MEGF9: variants seen among roughly 807,000 people sequenced by gnomAD.
MEGF9 encodes the protein multiple epidermal growth factor-like domains protein 9.
MEGF9 carries 6 observed loss-of-function variants against 46.8 expected under a neutral mutation model. The observed-to-expected ratio is 0.13, with a 90% CI of 0.07 to 0.25. The LOEUF (loss-of-function observed/expected upper bound fraction) is 0.25, where lower values mean the gene tolerates loss of function less well. Ranked by LOEUF, MEGF9 falls within the 10% of genes least tolerant of loss-of-function variation. The probability of loss-of-function intolerance (pLI) is 1.00; values close to 1 mark genes in which losing one functional copy is unlikely to be tolerated. For synonymous variants in MEGF9, 302 were observed against 330.7 expected (o/e 0.91, Z 0.94); for missense variants, 683 against 792.4 (o/e 0.86, Z 1.66).
intron 1 of MEGF9, among the ~76,000 whole-genome samples, chr9:120,672,591 A>G (rs1422297793): frequency 6.6e-6 from 1 of 152,252 alleles, no homozygotes; most frequent in Non-Finnish European, 1.5e-5. Flanking sequence ...ACTCTACTCC[A>G]GCCTGTGTAA....
At position 120,659,563 on chromosome 9, in the gene MEGF9, T is replaced by A; in HGVS notation, c.614A>T (p.Asn205Ile). The A allele has an allele frequency of 6.2e-7, 1 of 1,611,628 alleles. No homozygotes were observed. The highest frequency in any genetic ancestry group is 1.1e-5 in the South Asian group (1 of 90,526). The change falls in exon 2 of 6, where the codon AAC (asparagine) becomes ATC (isoleucine). Residue 205 changes from asparagine to isoleucine, a missense_variant. This residue lies in a region of MEGF9 where 370 missense variants were observed against 371.3 expected (regional missense o/e 1.00). Coordinates refer to ENST00000373930, the MANE Select transcript of MEGF9 (RefSeq NM_001080497.3). ...ATTCAGGCTTCCAACCACAGAGCAG[T>A]TACATACATACTCTGCAAAGGAAAG... ...PSSPPPEYVCNCSVVGSLNVN... is the reference protein window; with the variant it reads ...PSSPPPEYVCICSVVGSLNVN...
At chr9:120,611,865 A>AGGAAGGAAG (rs572613293) in intron 4 of MEGF9, among the ~76,000 whole-genome samples, 1 of 137,154 alleles carries the variant, frequency 7.3e-6, no homozygotes, top group African/African-American at 3.0e-5. Flanking sequence ...GGAAGGAAGA[A>AGGAAGGAAG]AGAGAGAGAG....
intron 2 of MEGF9, 52 bp from the exon 3 acceptor site, chr9:120,622,807 T>C: frequency 3.1e-6 from 5 of 1,595,108 alleles, no homozygotes; most frequent in Non-Finnish European, 4.3e-6. Flanking sequence ...TTAAAAGTTG[T>C]ATTGAGTAAC....
intron 2 of MEGF9, among the ~76,000 whole-genome samples, chr9:120,653,516 C>T (rs1254061031): frequency 2.6e-5 from 4 of 151,716 alleles, no homozygotes; most frequent in African/African-American, 9.7e-5. Context: ...GGATTACAGG[C>T]GCATGCCACC....
In MEGF9 at chr9:120,605,511, G is replaced by C. The variant is rs369120925; in HGVS notation, c.1488C>G (p.Ser496Arg). ...PTTLQTIFSV[S>R]TSENSTSALA... ...AAGCTGAAGTGCTGTTTTCAGAAGTGCTTACTGAAAAGATAGTCTGCAGGG... is the reference window on the plus strand; with the variant it reads ...AAGCTGAAGTGCTGTTTTCAGAAGTCCTTACTGAAAAGATAGTCTGCAGGG... Residue 496 changes from serine (S) to arginine (R), a missense_variant, in exon 6 of 6, where the codon AGC (serine) becomes AGG (arginine). Ser to Arg is a moderately radical substitution (Grantham distance 110). Coordinates refer to ENST00000373930, the MANE Select transcript of MEGF9 (RefSeq NM_001080497.3). The surrounding 1 kb of genome is among the most constrained non-coding windows in gnomAD (Gnocchi z 4.0). The C allele has an allele frequency of 1.2e-6, 2 of 1,613,816 alleles. No homozygotes were observed. The highest frequency in any genetic ancestry group is 1.7e-6 in the Non-Finnish European group (2 of 1,179,840).
chr9:120,714,455 A>G lies in MEGF9; in HGVS notation c.-97T>C, dbSNP rs1267453460. 13 of 1,050,732 alleles carry G rather than the reference A, an allele frequency of 1.2e-5. No individual in the cohort carries two copies. Among genetic ancestry groups the G allele is most frequent in the African/African-American group, 1.7e-5 (1 of 59,654 alleles). The allele number at this position is 1,050,732 out of a possible 1,614,324, so 65.1% of individuals were successfully genotyped here. ...CGCCGCCACCGCCACCGGGCGCACC[A>G]TCGCCACCTCCCTCTGACAGGCGGC... On this transcript the variant is annotated 5_prime_UTR_variant, in exon 1 of 6. An upstream start codon of the reference 5' UTR is lost. Coordinates refer to ENST00000373930, the MANE Select transcript of MEGF9 (RefSeq NM_001080497.3).
chr9:120,693,924 TA>T lies in MEGF9; in HGVS notation c.601+19833del, dbSNP rs34661780. 9.9e-3 allele frequency among the ~76,000 whole-genome samples: 1,393 copies of T among 140,708 alleles called. 9 individuals carry two copies. The highest frequency in any genetic ancestry group is 0.034 in the East Asian group (168 of 4,904). The allele number at this position is 140,708 out of a possible 152,430, so 92.3% of individuals were successfully genotyped here. ...AATCCACTGTACAAATCAATTAGGC[TA>T]AAAAAAAAAAAATAAAGGTAAAAGT... On this transcript the variant is annotated intron_variant, in intron 1 of 5. Transcript: ENST00000373930.
chr9:120,645,802 G>A (rs907315244), intron 2 of MEGF9, among the ~76,000 whole-genome samples: 5 of 152,192 alleles, frequency 3.3e-5, no homozygotes, highest in African/African-American at 9.7e-5. Flanking sequence ...AAAAGGTAAA[G>A]GGCCTTTGGA....
At position 120,714,259 on chromosome 9, in the gene MEGF9, A is replaced by AGGCGACGGCGGC. The variant is rs1440366568; in HGVS notation, c.88_99dup (p.Ala30_Ala33dup). ...GTGACATTCCCCGCCGAGGCGGCTG[A>AGGCGACGGCGGC]GGCGACGGCGGCGGCGGCGGCGGCG... On this transcript the variant is annotated inframe_insertion, in exon 1 of 6. Coordinates refer to ENST00000373930, the MANE Select transcript of MEGF9 (RefSeq NM_001080497.3). The AGGCGACGGCGGC allele has an allele frequency of 8.4e-7, 1 of 1,193,962 alleles. No individual in the cohort carries two copies. Among genetic ancestry groups the AGGCGACGGCGGC allele is most frequent in the East Asian group, 3.4e-5 (1 of 29,650 alleles). 74.0% of individuals were successfully genotyped at this position (1,193,962 alleles called of 1,614,324 possible). A position where few individuals can be genotyped will look rare whatever the true frequency, so the allele number is the denominator to read the frequency against.
intron 2 of MEGF9, among the ~76,000 whole-genome samples, chr9:120,649,885 A>T (rs150546953): frequency 1.3e-5 from 2 of 152,328 alleles, no homozygotes; most frequent in East Asian, 3.9e-4. Flanking sequence ...TTTTATGGAA[A>T]AGGATATTAT....
chr9:120,636,218 T>C (rs1311417509), intron 2 of MEGF9, among the ~76,000 whole-genome samples: 1 of 152,138 alleles, frequency 6.6e-6, no homozygotes, highest in African/African-American at 2.4e-5. Flanking sequence ...GATTACAGGC[T>C]TGAGCCACCG....
chr9:120,696,843 C>T (rs2043879315), intron 1 of MEGF9, among the ~76,000 whole-genome samples: 1 of 152,138 alleles, frequency 6.6e-6, no homozygotes, highest in South Asian at 2.1e-4. Context: ...GTATTCTCCA[C>T]ATCTATAGTT....
chr9:120,635,306 TG>T (rs1196277983), intron 2 of MEGF9, among the ~76,000 whole-genome samples: 21 of 152,206 alleles, frequency 1.4e-4, no homozygotes, highest in Non-Finnish European at 4.4e-5. Flanking sequence ...GATCTTTTTG[TG>T]TGAAATCTAT....
At chr9:120,622,283 C>T (rs1461492311) in intron 3 of MEGF9, among the ~76,000 whole-genome samples, 1 of 152,140 alleles carries the variant, frequency 6.6e-6, no homozygotes, top group Non-Finnish European at 1.5e-5. Context: ...CTAGCTCATT[C>T]TTTGCCTATG....
At chr9:120,621,897 G>A (rs1587975897) in intron 3 of MEGF9, among the ~76,000 whole-genome samples, 2 of 141,988 alleles carry the variant, frequency 1.4e-5, no homozygotes, top group Admixed American at 6.7e-5. Flanking sequence ...TTCTTGGTCA[G>A]AGCCTAGCAA....
Position 120,622,643 on chromosome 9 carries a change from G to A in MEGF9, c.916C>T (p.Arg306Trp), listed in dbSNP as rs750565189. ...NGCLPCQCNNRSASCDALTGA... is the reference protein window; with the variant it reads ...NGCLPCQCNNWSASCDALTGA... ...GTGAGGGCATCGCAACTGGCAGACC[G>A]ATTATTGCATTGGCAGGGCAAGCAG... The change falls in exon 3 of 6, where the codon CGG (arginine) becomes TGG (tryptophan). Residue 306 changes from arginine to tryptophan, a missense_variant. Transcript: ENST00000373930. 7 of 1,613,462 alleles carry A rather than the reference G, an allele frequency of 4.3e-6. No homozygotes were observed. The highest frequency in any genetic ancestry group is 2.2e-5 in the South Asian group (2 of 91,060).
chr9:120,703,726 A>C (rs1051599575), intron 1 of MEGF9, among the ~76,000 whole-genome samples: 1 of 152,174 alleles, frequency 6.6e-6, no homozygotes, highest in East Asian at 1.9e-4. Flanking sequence ...TAATCCCAGC[A>C]CTTTGGGAGG....
In MEGF9 at chr9:120,601,880, A is replaced by C. The variant is rs1275565802; in HGVS notation, c.*3310T>G. ...GCATAGGCGCTTACCAAAATGAATT[A>C]ATGAAGATAAAAGCATCGCTTAATG... On this transcript the variant is annotated 3_prime_UTR_variant, in exon 6 of 6. Transcript: ENST00000373930. 6.6e-6 allele frequency: 1 copy of C among 152,200 alleles called. No homozygotes were observed. The highest frequency in any genetic ancestry group is 2.4e-5 in the African/African-American group (1 of 41,444). The allele number at this position is 152,200 out of a possible 1,614,324, so 9.4% of individuals were successfully genotyped here. A position where few individuals can be genotyped will look rare whatever the true frequency, so the allele number is the denominator to read the frequency against.
At chr9:120,701,315 A>G (rs1052539665) in intron 1 of MEGF9, among the ~76,000 whole-genome samples, 2 of 152,208 alleles carry the variant, frequency 1.3e-5, no homozygotes, top group African/African-American at 2.4e-5. Context: ...TCTTGGAAGC[A>G]TGTAAGACTG....
Sources: gnomAD v4.1 joint callset for allele counts (sites outside exome capture counted in the v4.1 genomes callset) on GRCh38, gnomAD v4.1.1 for gene constraint, gnomAD v4.1.1 regional missense constraint, Gnocchi (gnomAD v3.1) non-coding constraint, MANE v1.5 for transcripts, NCBI Gene and HGNC (gene_info 2026-07-23, HGNC 2026-07-21) for gene names.